The following HYCC1 variants were observed in gnomAD, a reference collection of about 807,000 sequenced individuals.
The protein encoded by HYCC1 is hyccin PI4KA lipid kinase complex subunit 1, also known as hyccin.
chr7:22,900,644 GATAAATTAA>G, the HYCC1 span, among the ~76,000 whole-genome samples: 3 of 151,778 alleles, frequency 2.0e-5, no homozygotes, highest in African/African-American at 7.3e-5. Flanking sequence ...AAATCAAATA[GATAAATTAA>G]AATGGAATAC....
At chr7:22,999,651 T>C in the HYCC1 span, among the ~76,000 whole-genome samples, 5 of 152,160 alleles carry the variant, frequency 3.3e-5, no homozygotes, top group Admixed American at 2.6e-4. Context: ...AAAACAAACA[T>C]AGAATGGGAG....
At chr7:22,944,663 C>T in the HYCC1 span, 1 of 152,092 alleles carries the variant, frequency 6.6e-6, no homozygotes, top group Non-Finnish European at 1.5e-5. Flanking sequence ...ACAGTGGTAT[C>T]TTGAGAGCTA....
At chr7:22,991,794 A>G in the HYCC1 span, among the ~76,000 whole-genome samples, 2 of 152,202 alleles carry the variant, frequency 1.3e-5, no homozygotes, top group South Asian at 4.1e-4. Flanking sequence ...TTACCTATCC[A>G]TTTGTATGGG....
chr7:22,950,559 A>C, the HYCC1 span, among the ~76,000 whole-genome samples: 1 of 151,996 alleles, frequency 6.6e-6, no homozygotes, highest in African/African-American at 2.4e-5. Flanking sequence ...GTGTTACTTG[A>C]CTGGATAAAT....
the HYCC1 span, among the ~76,000 whole-genome samples, chr7:22,903,861 A>G: frequency 2.0e-5 from 3 of 152,312 alleles, no homozygotes; most frequent in Admixed American, 2.0e-4. Flanking sequence ...GGGGTGGACA[A>G]CCACTGGATA....
the HYCC1 span, chr7:22,976,727 G>A: frequency 6.2e-7 from 1 of 1,612,808 alleles, no homozygotes; most frequent in Non-Finnish European, 8.5e-7. Flanking sequence ...CTTTGAGGAT[G>A]AGGTCCACTG....
chr7:22,903,271 T>C, the HYCC1 span, among the ~76,000 whole-genome samples: 2 of 152,202 alleles, frequency 1.3e-5, no homozygotes, highest in African/African-American at 2.4e-5. Context: ...TGTACACAAA[T>C]GTTCATAACA....
the HYCC1 span, among the ~76,000 whole-genome samples, chr7:22,948,291 T>C: frequency 1.3e-5 from 2 of 152,068 alleles, no homozygotes; most frequent in African/African-American, 4.8e-5. Flanking sequence ...TCAAATACTT[T>C]CGTGATAGGA....
the HYCC1 span, chr7:22,960,430 T>C: frequency 5.0e-6 from 8 of 1,606,320 alleles, no homozygotes; most frequent in Non-Finnish European, 6.8e-6. Context: ...GGAGAAAAAA[T>C]ATAGTTTAAG....
the HYCC1 span, among the ~76,000 whole-genome samples, chr7:23,003,341 G>C: frequency 6.6e-6 from 1 of 151,788 alleles, no homozygotes; most frequent in Non-Finnish European, 1.5e-5. Context: ...AGTCTATTAG[G>C]AGAGACAAAT....
At chr7:22,934,206 C>CTTTTT in the HYCC1 span, 4 of 100,180 alleles carry the variant, frequency 4.0e-5, no homozygotes, top group African/African-American at 1.3e-4. Flanking sequence ...TCTTTTTTTT[C>CTTTTT]TTTTTTTTTT....
the HYCC1 span, among the ~76,000 whole-genome samples, chr7:22,903,441 T>G: frequency 6.6e-6 from 1 of 152,268 alleles, no homozygotes; most frequent in East Asian, 1.9e-4. Flanking sequence ...ATGAAAAACC[T>G]TATGCCAACA....
At chr7:22,975,831 C>A in the HYCC1 span, among the ~76,000 whole-genome samples, 1 of 152,152 alleles carries the variant, frequency 6.6e-6, no homozygotes, top group Non-Finnish European at 1.5e-5. Context: ...ATCCTCCCAC[C>A]TCAGCCTCCC....
At chr7:22,930,119 A>C in the HYCC1 span, among the ~76,000 whole-genome samples, 2 of 145,296 alleles carry the variant, frequency 1.4e-5, no homozygotes, top group African/African-American at 5.1e-5. Context: ...GCATGTTCTC[A>C]CTCATAGGTG....
the HYCC1 span, among the ~76,000 whole-genome samples, chr7:22,904,702 G>C: frequency 1.3e-4 from 19 of 151,712 alleles, no homozygotes; most frequent in African/African-American, 4.6e-4. Flanking sequence ...ACAGCACTTT[G>C]GGAGGTCGAG....
At chr7:22,915,664 G>C in the HYCC1 span, among the ~76,000 whole-genome samples, 2 of 152,060 alleles carry the variant, frequency 1.3e-5, no homozygotes, top group African/African-American at 4.8e-5. Context: ...TGGAGGGCAA[G>C]TCCATCCCCT....
chr7:22,953,196 TATG>T, the HYCC1 span, among the ~76,000 whole-genome samples: 1 of 151,860 alleles, frequency 6.6e-6, no homozygotes, highest in East Asian at 1.9e-4. Flanking sequence ...GTGAATCCTT[TATG>T]ATTATTACAG....
At chr7:22,977,586 G>A in the HYCC1 span, among the ~76,000 whole-genome samples, 8 of 152,128 alleles carry the variant, frequency 5.3e-5, no homozygotes, top group Non-Finnish European at 1.2e-4. Context: ...CATCAACACC[G>A]GTAGTTAAAC....
chr7:22,910,956 G>C, the HYCC1 span, among the ~76,000 whole-genome samples: 9 of 151,802 alleles, frequency 5.9e-5, no homozygotes, highest in African/African-American at 2.2e-4. Context: ...ATATTAAGCT[G>C]TATTATACAA....
Sources: allele counts gnomAD v4.1 joint callset (sites outside exome capture counted in the v4.1 genomes callset), GRCh38; gene constraint gnomAD v4.1.1; transcripts MANE v1.5; gene names NCBI Gene and HGNC (gene_info 2026-07-23, HGNC 2026-07-21).